The following EXOC4 variants were observed in gnomAD, a reference collection of about 807,000 sequenced individuals.
EXOC4 encodes the protein exocyst complex component 4.
EXOC4 carries 71 observed loss-of-function variants against 107.2 expected under a neutral mutation model. The observed-to-expected ratio is 0.66, with a 90% CI of 0.55 to 0.81. The LOEUF is 0.81. Among genes scored for constraint, EXOC4 ranks in the 30% least tolerant of loss-of-function variants. EXOC4 has a pLI of 0.00. For synonymous variants in EXOC4, 456 were observed against 441.2 expected (o/e 1.03, Z -0.42); for missense variants, 1,108 against 1,189.6 (o/e 0.93, Z 1.01).
intron 9 of EXOC4, among the ~76,000 whole-genome samples, chr7:133,534,386 C>T (rs73726916): frequency 0.062 from 9,502 of 152,150 alleles, 1,028 homozygotes; most frequent in African/African-American, 0.22. Context: ...TTCAATCAGC[C>T]CTGAGTTGTC....
intron 9 of EXOC4, among the ~76,000 whole-genome samples, chr7:133,567,328 T>C (rs1204599815): frequency 6.6e-6 from 1 of 152,128 alleles, no homozygotes; most frequent in Non-Finnish European, 1.5e-5. Context: ...ACATCATTTT[T>C]TTTTCATTTT....
intron 10 of EXOC4, among the ~76,000 whole-genome samples, chr7:133,655,409 T>C (rs1803266229): frequency 6.6e-6 from 1 of 152,158 alleles, no homozygotes; most frequent in South Asian, 2.1e-4. Flanking sequence ...GTTGCCCTGC[T>C]GTATAATAGA....
At chr7:133,481,231 A>C (rs1218554417) in intron 9 of EXOC4, among the ~76,000 whole-genome samples, 1 of 149,924 alleles carries the variant, frequency 6.7e-6, no homozygotes, top group Non-Finnish European at 1.5e-5. Flanking sequence ...ACAGAGATAC[A>C]CACACACACA....
intron 10 of EXOC4, among the ~76,000 whole-genome samples, chr7:133,686,251 T>G (rs1023876437): frequency 6.6e-6 from 1 of 152,194 alleles, no homozygotes; most frequent in Admixed American, 6.5e-5. Flanking sequence ...ATTTATTTTC[T>G]TTGTAAATTA....
At chr7:133,331,697 C>T (rs892004151) in intron 5 of EXOC4, among the ~76,000 whole-genome samples, 3 of 151,986 alleles carry the variant, frequency 2.0e-5, no homozygotes, top group Non-Finnish European at 4.4e-5. Context: ...TATCTCCTGA[C>T]CTTGTGATCC....
chr7:133,768,925 C>T (rs1796190806), intron 10 of EXOC4, among the ~76,000 whole-genome samples: 1 of 151,894 alleles, frequency 6.6e-6, no homozygotes, highest in Admixed American at 6.6e-5. Flanking sequence ...CATCAGAGGC[C>T]ACGACACTTA....
intron 17 of EXOC4, among the ~76,000 whole-genome samples, chr7:134,015,124 G>A (rs186424752): frequency 9.2e-5 from 14 of 152,314 alleles, no homozygotes; most frequent in Non-Finnish European, 1.8e-4. Flanking sequence ...CATCAGGCCT[G>A]AAGTCAGGGC....
the EXOC4 span, among the ~76,000 whole-genome samples, chr7:134,072,951 T>G: frequency 6.6e-6 from 1 of 151,262 alleles, no homozygotes; most frequent in Non-Finnish European, 1.5e-5. Context: ...ATGCCTGTAA[T>G]CCTGGCACTT....
chr7:133,421,059 C>T (rs1797592903), intron 7 of EXOC4, among the ~76,000 whole-genome samples: 1 of 151,796 alleles, frequency 6.6e-6, no homozygotes, highest in Non-Finnish European at 1.5e-5. Context: ...AATAGCAGAA[C>T]AATCTTGGGA....
intron 12 of EXOC4, among the ~76,000 whole-genome samples, chr7:133,915,795 G>C (rs1799796292): frequency 6.6e-6 from 1 of 152,134 alleles, no homozygotes; most frequent in African/African-American, 2.4e-5. Context: ...TAATATGAGA[G>C]ATTGGAGGGA....
chr7:133,729,954 A>G (rs545416091), intron 10 of EXOC4, among the ~76,000 whole-genome samples: 1 of 152,036 alleles, frequency 6.6e-6, no homozygotes, highest in East Asian at 1.9e-4. Context: ...TCTCAGAGGA[A>G]GATAAAGTAA....
intron 10 of EXOC4, among the ~76,000 whole-genome samples, chr7:133,645,148 G>A (rs1477686223): frequency 6.8e-6 from 1 of 146,896 alleles, no homozygotes. Flanking sequence ...CTGGAGTGCA[G>A]TGGCATGATC....
intron 7 of EXOC4, among the ~76,000 whole-genome samples, chr7:133,382,648 G>C (rs929541266): frequency 1.3e-5 from 2 of 152,020 alleles, no homozygotes; most frequent in Non-Finnish European, 2.9e-5. Flanking sequence ...GAAGATGATG[G>C]GATATTATGA....
chr7:133,994,729 G>A (rs1465666336), intron 14 of EXOC4, among the ~76,000 whole-genome samples: 2 of 150,392 alleles, frequency 1.3e-5, no homozygotes, highest in East Asian at 2.0e-4. Context: ...ATACAACAAT[G>A]TAGCCTTTAA....
At chr7:133,973,633 C>G (rs1793754408) in intron 14 of EXOC4, among the ~76,000 whole-genome samples, 1 of 152,126 alleles carries the variant, frequency 6.6e-6, no homozygotes, top group South Asian at 2.1e-4. Context: ...CTAAAAGAGA[C>G]ATGATCAGAT....
At position 133,423,731 on chromosome 7, in the gene EXOC4, C is replaced by T. The variant is rs151027132; in HGVS notation, c.1182+48729C>T. Among the ~76,000 whole-genome samples, 873 of 152,204 alleles carry T rather than the reference C, an allele frequency of 5.7e-3. 8 individuals carry two copies. Among genetic ancestry groups the T allele is most frequent in the African/African-American group, 0.02 (832 of 41,532 alleles). On this transcript the variant is annotated intron_variant, in intron 7 of 17. Transcript: ENST00000253861. ...GAGGCTGAAGCCGGCTTCCTCTGCT[C>T]GTGGGGAGGTGTGGAGGGAGAGGCG... is the stretch of plus-strand genomic sequence containing the variant.
intron 7 of EXOC4, among the ~76,000 whole-genome samples, chr7:133,428,427 C>T (rs1797776299): frequency 6.6e-6 from 1 of 152,164 alleles, no homozygotes. Flanking sequence ...TAAGCATTTG[C>T]CATCAAGCAG....
chr7:133,378,155 A>G (rs1414499018), intron 7 of EXOC4, among the ~76,000 whole-genome samples: 2 of 151,984 alleles, frequency 1.3e-5, no homozygotes, highest in African/African-American at 4.8e-5. Context: ...TGAAAAATAC[A>G]AAAGAATTAA....
At chr7:133,621,960 T>A (rs1802340308) in intron 9 of EXOC4, among the ~76,000 whole-genome samples, 1 of 151,884 alleles carries the variant, frequency 6.6e-6, no homozygotes, top group Admixed American at 6.6e-5. Flanking sequence ...TTTGTCTGTC[T>A]GTCTGTCTGT....
Sources: gnomAD v4.1 joint callset for allele counts (sites outside exome capture counted in the v4.1 genomes callset) on GRCh38, gnomAD v4.1.1 for gene constraint, MANE v1.5 for transcripts, NCBI Gene and HGNC (gene_info 2026-07-23, HGNC 2026-07-21) for gene names.